FNBP1: variants seen among roughly 807,000 people sequenced by gnomAD.
The protein encoded by FNBP1 is formin binding protein 1.
FNBP1 carries 26 observed loss-of-function variants against 90.6 expected under a neutral mutation model. The observed-to-expected ratio is 0.29, with a 90% CI of 0.21 to 0.40. FNBP1 has a LOEUF of 0.40. Among genes scored for constraint, FNBP1 ranks in the 10% least tolerant of loss-of-function variants. The pLI is 1.00. For synonymous variants in FNBP1, 260 were observed against 265.2 expected (o/e 0.98, Z 0.19); for missense variants, 635 against 768.0 (o/e 0.83, Z 2.05).
At chr9:129,970,451 C>T (rs1434455368) in intron 4 of FNBP1, among the ~76,000 whole-genome samples, 1 of 152,170 alleles carries the variant, frequency 6.6e-6, no homozygotes, top group Non-Finnish European at 1.5e-5. Flanking sequence ...AGCAATCCAC[C>T]CGCCTTGGCC....
At chr9:129,922,422 G>A (rs771521244) in intron 10 of FNBP1, among the ~76,000 whole-genome samples, 51 of 152,154 alleles carry the variant, frequency 3.4e-4, no homozygotes, top group Admixed American at 7.2e-4. Flanking sequence ...CAGAATCTCA[G>A]ACTCTGTAAT....
intron 7 of FNBP1, among the ~76,000 whole-genome samples, chr9:129,927,607 GT>G: frequency 6.6e-6 from 1 of 151,924 alleles, no homozygotes; most frequent in East Asian, 1.9e-4. Context: ...GTTCTTTTTT[GT>G]TTTTCTTTTT....
At chr9:130,048,491 C>CTTTTTTTTTTTTTTTTTTTTT in the FNBP1 span, among the ~76,000 whole-genome samples, 2 of 105,082 alleles carry the variant, frequency 1.9e-5, no homozygotes, top group Non-Finnish European at 1.8e-5. Context: ...CCTCAGTTTC[C>CTTTTTTTTTTTTTTTTTTTTT]TTTTTTTTTT....
the FNBP1 span, chr9:130,053,860 C>T: frequency 5.6e-6 from 8 of 1,431,096 alleles, no homozygotes; most frequent in South Asian, 1.0e-4. Flanking sequence ...GCTCCCCGGG[C>T]CCTTCCGGCG....
the FNBP1 span, among the ~76,000 whole-genome samples, chr9:130,051,541 C>T: frequency 6.6e-6 from 1 of 152,234 alleles, no homozygotes; most frequent in East Asian, 1.9e-4. Context: ...ATAGTCCAGG[C>T]AGGGTGGCTT....
At chr9:129,923,333 C>T (rs1030400602) in intron 10 of FNBP1, among the ~76,000 whole-genome samples, 1 of 152,074 alleles carries the variant, frequency 6.6e-6, no homozygotes. Context: ...GTAATCCCAG[C>T]ACTTTGTAAG....
chr9:129,933,312 T>C (rs1294296359), intron 6 of FNBP1, among the ~76,000 whole-genome samples: 1 of 152,114 alleles, frequency 6.6e-6, no homozygotes, highest in African/African-American at 2.4e-5. Context: ...TTTTAGAATA[T>C]TTTACCCAAG....
rs1292439708 is a variant in FNBP1, at chr9:130,041,618, C to T, written c.24+1334G>A. ...CAAAATGGATACTTGTAAACATCAG[C>T]GGAAATTTTGTCATGAATCCCTTTT... On this transcript the variant is annotated intron_variant, in intron 1 of 16. Coordinates refer to ENST00000446176, the MANE Select transcript of FNBP1 (RefSeq NM_015033.3). The surrounding 1 kb of genome is among the most constrained non-coding windows in gnomAD (Gnocchi z 4.3). Among the ~76,000 whole-genome samples the T allele has an allele frequency of 3.9e-5, 6 of 152,236 alleles. No individual in the cohort carries two copies. The highest frequency in any genetic ancestry group is 3.4e-3 in the Middle Eastern group (1 of 294).
chr9:129,946,129 A>G (rs1183607041), intron 6 of FNBP1, among the ~76,000 whole-genome samples: 1 of 152,174 alleles, frequency 6.6e-6, no homozygotes, highest in African/African-American at 2.4e-5. Flanking sequence ...AGACGGTGCC[A>G]CTGCACTCCA....
At chr9:129,974,026 G>A (rs1050618723) in intron 4 of FNBP1, among the ~76,000 whole-genome samples, 1 of 151,638 alleles carries the variant, frequency 6.6e-6, no homozygotes. Context: ...GTTTCATCAC[G>A]TTGCCAGGCT....
At chr9:129,981,548 T>G (rs2051264431) in intron 2 of FNBP1, among the ~76,000 whole-genome samples, 3 of 152,172 alleles carry the variant, frequency 2.0e-5, no homozygotes, top group Non-Finnish European at 2.9e-5. Context: ...TATGTGATAA[T>G]CAATTTACAA....
chr9:129,954,897 A>G (rs1045672748), intron 6 of FNBP1, among the ~76,000 whole-genome samples: 2 of 152,052 alleles, frequency 1.3e-5, no homozygotes, highest in Non-Finnish European at 2.9e-5. Flanking sequence ...GGGAGGCTGA[A>G]GCAGGAGAAT....
At chr9:129,914,295 TC>T (rs1481890009) in intron 11 of FNBP1, among the ~76,000 whole-genome samples, 3 of 151,834 alleles carry the variant, frequency 2.0e-5, no homozygotes, top group African/African-American at 7.3e-5. Flanking sequence ...GCCTCAGCCT[TC>T]CAAAGCACTG....
At chr9:129,940,254 T>A (rs960825008) in intron 6 of FNBP1, among the ~76,000 whole-genome samples, 1 of 152,024 alleles carries the variant, frequency 6.6e-6, no homozygotes, top group Non-Finnish European at 1.5e-5. Context: ...CAAAACAACA[T>A]TTTGAAGGAT....
intron 10 of FNBP1, among the ~76,000 whole-genome samples, chr9:129,920,568 G>T (rs7030586): frequency 1.3e-5 from 2 of 152,062 alleles, no homozygotes; most frequent in African/African-American, 4.8e-5. Flanking sequence ...CCAAAGTGCT[G>T]GGGTTACAGG....
intron 6 of FNBP1, among the ~76,000 whole-genome samples, chr9:129,953,317 C>T (rs1206414423): frequency 6.6e-6 from 1 of 151,974 alleles, no homozygotes; most frequent in Non-Finnish European, 1.5e-5. Flanking sequence ...AAGACCCTGT[C>T]TCTCCTAAAA....
intron 11 of FNBP1, among the ~76,000 whole-genome samples, chr9:129,911,217 A>G (rs1235967172): frequency 6.6e-6 from 1 of 152,106 alleles, no homozygotes; most frequent in Non-Finnish European, 1.5e-5. Context: ...AGAAAACAGA[A>G]TCTCTCTATC....
At chr9:129,919,345 A>G in intron 10 of FNBP1, 1 of 458,210 alleles carries the variant, frequency 2.2e-6, no homozygotes, top group Non-Finnish European at 3.9e-6. Context: ...TCTTTCGGTC[A>G]ACTTTGATGG....
intron 1 of FNBP1, among the ~76,000 whole-genome samples, chr9:130,017,083 T>TA (rs369818570): frequency 0.022 from 3,334 of 151,846 alleles, 116 homozygotes; most frequent in African/African-American, 0.076. Context: ...CCATCTCTTT[T>TA]AAAAAAAAGG....
Sources: allele counts gnomAD v4.1 joint callset (sites outside exome capture counted in the v4.1 genomes callset), GRCh38; gene constraint gnomAD v4.1.1; non-coding constraint Gnocchi (gnomAD v3.1); transcripts MANE v1.5; gene names NCBI Gene and HGNC (gene_info 2026-07-23, HGNC 2026-07-21).